COL1A1: variants seen among roughly 807,000 people sequenced by gnomAD.
COL1A1 encodes collagen alpha-1(I) chain.
Under a neutral mutation model 195.7 loss-of-function variants are expected in COL1A1, and 21 were observed. The ratio of observed to expected loss-of-function variants is 0.11; its 90% CI spans 0.08 to 0.15. The LOEUF is 0.15. Among genes scored for constraint, COL1A1 ranks in the 10% least tolerant of loss-of-function variants. The probability of loss-of-function intolerance (pLI) is 1.00; values close to 1 mark genes in which losing one functional copy is unlikely to be tolerated. For missense variants in COL1A1, 1,365 were observed against 2,051.0 expected, an observed-to-expected ratio of 0.67 and a Z score of 6.46; for synonymous variants, 749 against 747.3, an observed-to-expected ratio of 1.00 and a Z score of -0.04.
intron 26 of COL1A1, 41 bp from the exon 27 acceptor site, chr17:50,192,891 C>A: frequency 6.2e-7 from 1 of 1,613,508 alleles, no homozygotes; most frequent in Non-Finnish European, 8.5e-7. Context: ...GTTAGGAGGC[C>A]CCGAGCAGCT....
chr17:50,196,087 C>T, intron 15 of COL1A1, 68 bp downstream of exon 15: 1 of 1,610,940 alleles, frequency 6.2e-7, no homozygotes, highest in Admixed American at 1.7e-5. Flanking sequence ...CTCCCATTGT[C>T]AGCCCCAAGA....
rs1007086 is a variant in COL1A1, at chr17:50,194,072, A to G, written c.1669-31T>C. On this transcript the variant is annotated intron_variant, in intron 24 of 50. Coordinates refer to ENST00000225964, the MANE Select transcript of COL1A1 (RefSeq NM_000088.4). This position sits in a 1 kb window ranked among gnomAD's most constrained non-coding sequence, Gnocchi z 6.8. ...GATGGGAGGCACGAAAGCAGCAGTG[A>G]GGACAGCAGGGAGGCAGACAGGACA... is the stretch of plus-strand genomic sequence containing the variant. 1,094,650 of 1,610,422 alleles carry G rather than the reference A, an allele frequency of 0.68. 375,399 individuals carry two copies. Among genetic ancestry groups the G allele is most frequent in the Admixed American group, 0.72 (43,048 of 59,964 alleles).
Position 50,190,428 on chromosome 17 carries a change from G to T in COL1A1, c.2398-48C>A, listed in dbSNP as rs1429010844. On this transcript the variant is annotated intron_variant, in intron 34 of 50. Coordinates refer to ENST00000225964, the MANE Select transcript of COL1A1 (RefSeq NM_000088.4). The surrounding 1 kb of genome is among the most constrained non-coding windows in gnomAD (Gnocchi z 4.7). ...GGAGAGATGCGCTGACAGGAGGGAA[G>T]GCGGGGATGCGGTGAGGGGAGAGGC... is the stretch of plus-strand genomic sequence containing the variant. 1 of 1,581,198 alleles carries T rather than the reference G, an allele frequency of 6.3e-7. No homozygotes were observed. Among genetic ancestry groups the T allele is most frequent in the Admixed American group, 1.7e-5 (1 of 59,958 alleles).
In COL1A1 at chr17:50,194,850, AG is replaced by A; in HGVS notation, c.1354-23del. 1 of 1,569,640 alleles carries A rather than the reference AG, an allele frequency of 6.4e-7. No homozygotes were observed. The highest frequency in any genetic ancestry group is 8.6e-7 in the Non-Finnish European group (1 of 1,156,752). On this transcript the variant is annotated intron_variant, in intron 20 of 50. Transcript: ENST00000225964. The surrounding 1 kb of genome is among the most constrained non-coding windows in gnomAD (Gnocchi z 6.8). ...GGCCCTGGAGAGGGCCGAGAGGAGGAGGCGGCCTGTGGTGAGGGGCCATCCT... is the reference window on the plus strand; with the variant it reads ...GGCCCTGGAGAGGGCCGAGAGGAGGAGCGGCCTGTGGTGAGGGGCCATCCT...
At chr17:50,185,710 A>T in intron 50 of COL1A1, 62 bp from the exon 51 acceptor site, 1 of 1,611,804 alleles carries the variant, frequency 6.2e-7, no homozygotes, top group Non-Finnish European at 8.5e-7. Context: ...GAGAGAGGGC[A>T]CTATGGCCTG....
chr17:50,194,770 G>A lies in COL1A1; in HGVS notation c.1412C>T (p.Ala471Val), dbSNP rs978893604. 6.4e-7 allele frequency: 1 copy of A among 1,574,238 alleles called. No individual in the cohort carries two copies. Among genetic ancestry groups the A allele is most frequent in the East Asian group, 2.4e-5 (1 of 42,162 alleles). ...GCCAGTGGGTCCGGGTTCACCTCGA[G>A]CTCCTCGCTTTCCTTCCTCTCCAGC... Reference protein sequence around the residue: ...GPAGEEGKRGARGEPGPTGLP... With the variant: ...GPAGEEGKRGVRGEPGPTGLP... The change falls in exon 21 of 51, where the codon GCT (alanine) becomes GTT (valine). Residue 471 changes from alanine (A) to valine (V), a missense_variant. By Grantham distance (64) the Ala-to-Val change is moderately conservative. Coordinates refer to ENST00000225964, the MANE Select transcript of COL1A1 (RefSeq NM_000088.4). This position sits in a 1 kb window ranked among gnomAD's most constrained non-coding sequence, Gnocchi z 6.8.
Position 50,197,082 on chromosome 17 carries a change from G to A in COL1A1, c.751-19C>T. On this transcript the variant is annotated intron_variant, in intron 10 of 50. Coordinates refer to ENST00000225964, the MANE Select transcript of COL1A1 (RefSeq NM_000088.4). ...GAGCACCCTGGAGAGAGATGAAGAAGACAAGGAAGGGCCATTAGAACACAT... is the reference window on the plus strand; with the variant it reads ...GAGCACCCTGGAGAGAGATGAAGAAAACAAGGAAGGGCCATTAGAACACAT... 6.2e-7 allele frequency: 1 copy of A among 1,614,184 alleles called. No homozygotes were observed. The highest frequency in any genetic ancestry group is 8.5e-7 in the Non-Finnish European group (1 of 1,180,032).
At position 50,194,472 on chromosome 17, in the gene COL1A1, A is replaced by C. The variant is rs41316655; in HGVS notation, c.1516-25T>G. ...CCTGGTTGGGGGAAGTCACAGGAAC[A>C]GTTAGGGTCTCAAGTTTGTGGCTCT... is the stretch of plus-strand genomic sequence containing the variant. On this transcript the variant is annotated intron_variant, in intron 22 of 50. Transcript: ENST00000225964. The surrounding 1 kb of genome is among the most constrained non-coding windows in gnomAD (Gnocchi z 6.8). 5.1e-5 allele frequency: 82 copies of C among 1,613,724 alleles called. No homozygotes were observed. The African/African-American group carries it at 1.0e-3, about 20-fold the overall frequency.
chr17:50,195,177 G>C lies in COL1A1; in HGVS notation c.1299+55C>G, dbSNP rs1177983863. 19 of 1,604,840 alleles carry C rather than the reference G, an allele frequency of 1.2e-5. No homozygotes were observed. Among genetic ancestry groups the C allele is most frequent in the East Asian group, 2.2e-5 (1 of 44,830 alleles). On this transcript the variant is annotated intron_variant, in intron 19 of 50. Coordinates refer to ENST00000225964, the MANE Select transcript of COL1A1 (RefSeq NM_000088.4). This position sits in a 1 kb window ranked among gnomAD's most constrained non-coding sequence, Gnocchi z 4.3. Reference sequence around the variant, plus strand: ...CTGCGTCTTCCTGCTCCCCAGATGAGAGCCGCACTGGAGCCAGTGCATGGG... The same window carrying C: ...CTGCGTCTTCCTGCTCCCCAGATGACAGCCGCACTGGAGCCAGTGCATGGG...
chr17:50,192,725 G>A, intron 27 of COL1A1, 32 bp from the exon 28 acceptor site: 2 of 1,613,984 alleles, frequency 1.2e-6, no homozygotes, highest in Non-Finnish European at 1.7e-6. Context: ...GTCACGGGGA[G>A]GCCGAGGAGA....
Position 50,185,964 on chromosome 17 carries a change from G to A in COL1A1, c.4062C>T (p.Phe1354=), listed in dbSNP as rs377703930. 2 of 1,613,898 alleles carry A rather than the reference G, an allele frequency of 1.2e-6. No homozygotes were observed. Among genetic ancestry groups the A allele is most frequent in the African/African-American group, 2.7e-5 (2 of 74,900 alleles). ...DPADVAIQLT[F]LRLMSTEASQ... is the part of the protein sequence containing the mutation. ...AGGCCTCGGTGGACATCAGGCGCAG[G>A]AAGGTCAGCTGGATGGCCACATCGG... Residue 1354 remains phenylalanine, a synonymous_variant, in exon 50 of 51, where the codon TTC becomes TTT. Transcript: ENST00000225964.
intron 5 of COL1A1, among the ~76,000 whole-genome samples, chr17:50,198,905 T>G (rs1907824268): frequency 6.6e-6 from 1 of 152,146 alleles, no homozygotes; most frequent in African/African-American, 2.4e-5. Context: ...GGACTGCACA[T>G]TAGAGAGTGA....
intron 25 of COL1A1, chr17:50,193,722 C>T: frequency 3.5e-6 from 2 of 566,064 alleles, no homozygotes; most frequent in East Asian, 3.3e-5. Flanking sequence ...ACCTCATGGT[C>T]TGCCCGCCTT....
Position 50,197,778 on chromosome 17 carries a change from A to G in COL1A1, c.650T>C (p.Met217Thr), listed in dbSNP as rs2144586081. The change falls in exon 9 of 51, where the codon ATG becomes ACG. Residue 217 changes from methionine to threonine, a missense_variant. By Grantham distance (81) the Met-to-Thr change is moderately conservative. Coordinates refer to ENST00000225964, the MANE Select transcript of COL1A1 (RefSeq NM_000088.4). ...GGGACCTGGGGGACCTCGGGGACCCATGGGACCCTAGAAAAGATAGAAGAG... is the reference window on the plus strand; with the variant it reads ...GGGACCTGGGGGACCTCGGGGACCCGTGGGACCCTAGAAAAGATAGAAGAG... Reference protein sequence around the residue: ...EPGEPGASGPMGPRGPPGPPG... With the variant: ...EPGEPGASGPTGPRGPPGPPG... 1 of 1,608,836 alleles carries G rather than the reference A, an allele frequency of 6.2e-7. No individual in the cohort carries two copies. The highest frequency in any genetic ancestry group is 8.5e-7 in the Non-Finnish European group (1 of 1,178,270).
rs770083936 is a variant in COL1A1, at chr17:50,197,765, A to G, written c.663T>C (p.Gly221=). ...CATTCTTTCCAGGGGGACCTGGGGG[A>G]CCTCGGGGACCCATGGGACCCTAGA... The part of the protein sequence containing the change: ...PGASGPMGPR[G]PPGPPGKNGD... The change falls in exon 9 of 51, where the codon GGT becomes GGC. Residue 221 remains glycine (G), a synonymous_variant. Coordinates refer to ENST00000225964, the MANE Select transcript of COL1A1 (RefSeq NM_000088.4). The G allele has an allele frequency of 1.2e-6, 2 of 1,601,448 alleles. No individual in the cohort carries two copies. The highest frequency in any genetic ancestry group is 4.5e-5 in the East Asian group (2 of 44,816).
Position 50,191,837 on chromosome 17 carries a change from G to A in COL1A1, c.2078C>T (p.Pro693Leu), listed in dbSNP as rs1316033065. 1.9e-6 allele frequency: 3 copies of A among 1,602,844 alleles called. No individual in the cohort carries two copies. Among genetic ancestry groups the A allele is most frequent in the Non-Finnish European group, 2.6e-6 (3 of 1,174,408 alleles). Reference sequence around the variant, plus strand: ...ACCGTTGGCCCCTCGGGGACCAGCAGGACCAGGGGGACCTTGCACACCACG... The same window carrying A: ...ACCGTTGGCCCCTCGGGGACCAGCAAGACCAGGGGGACCTTGCACACCACG... ...GERGVQGPPGPAGPRGANGAP... is the reference protein window; with the variant it reads ...GERGVQGPPGLAGPRGANGAP... The change falls in exon 31 of 51, where the codon CCT (proline) becomes CTT (leucine). Residue 693 changes from proline (P) to leucine (L), a missense_variant. Pro to Leu is a moderately conservative substitution (Grantham distance 98, BLOSUM62 -3). Transcript: ENST00000225964.
chr17:50,200,432 T>C (rs1423912873), intron 1 of COL1A1, among the ~76,000 whole-genome samples: 2 of 151,268 alleles, frequency 1.3e-5, no homozygotes, highest in Non-Finnish European at 1.5e-5. Context: ...GCTAGGAGAA[T>C]GGGAGCGGCT....
At position 50,190,555 on chromosome 17, in the gene COL1A1, A is replaced by T. The variant is rs1244666409; in HGVS notation, c.2385T>A (p.Ala795=). 1 of 1,612,168 alleles carries T rather than the reference A, an allele frequency of 6.2e-7. No homozygotes were observed. Among genetic ancestry groups the T allele is most frequent in the Non-Finnish European group, 8.5e-7 (1 of 1,178,930 alleles). The change falls in exon 34 of 51, where the codon GCT becomes GCA. Residue 795 remains alanine (A), a synonymous_variant. Transcript: ENST00000225964. This position sits in a 1 kb window ranked among gnomAD's most constrained non-coding sequence, Gnocchi z 4.7. The stretch of plus-strand genomic sequence containing the variant: ...CTTCTGTACTTACGGGGGCACCACG[A>T]GCTCCAGTGGGACCAGCAGGGCCGC... ...GPSGPAGPTG[A]RGAPGDRGEP... is the part of the protein sequence containing the mutation.
At chr17:50,197,871 C>T (rs930105308) in intron 8 of COL1A1, 78 bp downstream of exon 8, 1 of 1,586,920 alleles carries the variant, frequency 6.3e-7, no homozygotes. Context: ...GTAAGGAAGA[C>T]CCCAGGCCTG....
Sources: gnomAD v4.1 joint callset for allele counts (sites outside exome capture counted in the v4.1 genomes callset) on GRCh38, gnomAD v4.1.1 for gene constraint, Gnocchi (gnomAD v3.1) non-coding constraint, MANE v1.5 for transcripts, NCBI Gene and HGNC (gene_info 2026-07-23, HGNC 2026-07-21) for gene names.